Variants in CERS3 observed in about 807,000 individuals in gnomAD.
CERS3 encodes LAG1 homolog, ceramide synthase 3.
Under a neutral mutation model 50.3 loss-of-function variants are expected in CERS3, and 33 were observed. The observed-to-expected ratio is 0.66, with a 90% CI of 0.50 to 0.88. The LOEUF (loss-of-function observed/expected upper bound fraction) is 0.88, where lower values mean the gene tolerates loss of function less well. Ranked by LOEUF, CERS3 falls within the 40% of genes least tolerant of loss-of-function variation. The probability of loss-of-function intolerance (pLI) is 0.00; values close to 1 mark genes in which losing one functional copy is unlikely to be tolerated. For synonymous variants in CERS3, 176 were observed against 155.2 expected (o/e 1.13, Z -0.99); for missense variants, 470 against 460.3 (o/e 1.02, Z -0.19).
At chr15:100,427,726 T>C (rs934648366) in intron 11 of CERS3, among the ~76,000 whole-genome samples, 56 of 152,208 alleles carry the variant, frequency 3.7e-4, no homozygotes, top group African/African-American at 1.2e-3. Flanking sequence ...AATTTTTCAA[T>C]AGGTAGAAAC....
chr15:100,503,672 C>A, intron 2 of CERS3: 1 of 470,586 alleles, frequency 2.1e-6, no homozygotes, highest in Non-Finnish European at 4.4e-6. Flanking sequence ...GACTGGATTT[C>A]AAGCCCCCTC....
intron 3 of CERS3, among the ~76,000 whole-genome samples, chr15:100,491,872 ATTTC>A (rs1357717403): frequency 7.0e-6 from 1 of 143,678 alleles, no homozygotes; most frequent in Admixed American, 7.4e-5. Context: ...TAATTTCTTG[ATTTC>A]TTTCTGTTAT....
intron 10 of CERS3, among the ~76,000 whole-genome samples, chr15:100,466,407 C>A (rs1461788235): frequency 2.0e-5 from 3 of 152,182 alleles, no homozygotes; most frequent in Admixed American, 2.0e-4. Flanking sequence ...TTAAAAACAT[C>A]CGCAAATTCT....
intron 11 of CERS3, among the ~76,000 whole-genome samples, chr15:100,404,132 G>T (rs547188842): frequency 2.0e-5 from 3 of 152,348 alleles, no homozygotes; most frequent in Middle Eastern, 3.4e-3. Context: ...AAGCAGCAAA[G>T]AACAGATGCT....
In CERS3 at chr15:100,423,623, G is replaced by A. The variant is rs565269943; in HGVS notation, c.1000-20758C>T. ...TGAGGGCGGAGGGTAGGGGAAAGGT[G>A]AGGATCAAAAAACTACCTATCAGGT... On this transcript the variant is annotated intron_variant, in intron 11 of 11. Coordinates refer to ENST00000679737, the MANE Select transcript of CERS3 (RefSeq NM_001378789.1). Among the ~76,000 whole-genome samples the A allele has an allele frequency of 1.6e-4, 25 of 152,260 alleles. No individual in the cohort carries two copies. In the South Asian group the frequency reaches 4.8e-3, roughly 29 times the overall value.
intron 11 of CERS3, among the ~76,000 whole-genome samples, chr15:100,438,714 G>T (rs1447718937): frequency 6.6e-6 from 1 of 152,250 alleles, no homozygotes; most frequent in East Asian, 1.9e-4. Flanking sequence ...GATCCTGCCT[G>T]TTGAGTTGCA....
At chr15:100,424,460 T>C (rs1292240381) in intron 11 of CERS3, among the ~76,000 whole-genome samples, 1 of 152,178 alleles carries the variant, frequency 6.6e-6, no homozygotes, top group African/African-American at 2.4e-5. Context: ...AAAATGCTCA[T>C]AGTGATAGGG....
chr15:100,449,001 C>T (rs2034051323), intron 11 of CERS3, among the ~76,000 whole-genome samples: 1 of 152,194 alleles, frequency 6.6e-6, no homozygotes, highest in South Asian at 2.1e-4. Flanking sequence ...TAACCCCACT[C>T]TTCCCAGTAG....
At chr15:100,487,688 G>T (rs2035529022) in intron 4 of CERS3, among the ~76,000 whole-genome samples, 2 of 152,314 alleles carry the variant, frequency 1.3e-5, no homozygotes, top group Non-Finnish European at 1.5e-5. Context: ...GGACTGAAAA[G>T]GGAACCCTCT....
In CERS3 at chr15:100,400,583, T is replaced by A. The variant is rs2030442488; in HGVS notation, c.*2130A>T. On this transcript the variant is annotated 3_prime_UTR_variant, in exon 12 of 12. Coordinates refer to ENST00000679737, the MANE Select transcript of CERS3 (RefSeq NM_001378789.1). ...AAATGAGTATCTACTTCTTATGAAG[T>A]AGTTTAGTGCTTTCAGCTGTATCAG... 1 of 152,184 alleles carries A rather than the reference T, an allele frequency of 6.6e-6. No homozygotes were observed. The highest frequency in any genetic ancestry group is 6.5e-5 in the Admixed American group (1 of 15,284). The allele number at this position is 152,184 out of a possible 1,614,324, so 9.4% of individuals were successfully genotyped here. A position where few individuals can be genotyped will look rare whatever the true frequency, so the allele number is the denominator to read the frequency against.
At chr15:100,419,828 G>A (rs1363517189) in intron 11 of CERS3, among the ~76,000 whole-genome samples, 8 of 143,918 alleles carry the variant, frequency 5.6e-5, no homozygotes, top group Non-Finnish European at 1.1e-4. Flanking sequence ...GCTCCTGAAT[G>A]ACTACTGGGT....
At chr15:100,475,769 A>T (rs1213836295) in intron 8 of CERS3, 1 of 157,176 alleles carries the variant, frequency 6.4e-6, no homozygotes, top group Non-Finnish European at 1.4e-5. Flanking sequence ...TAGAATTAAT[A>T]CTACTAACAT....
At chr15:100,469,241 C>T (rs2034882975) in intron 10 of CERS3, 137 bp downstream of exon 10, 1 of 634,500 alleles carries the variant, frequency 1.6e-6, no homozygotes, top group Non-Finnish European at 2.8e-6. Flanking sequence ...GGCTCCATCA[C>T]ATTCTTTTCT....
At chr15:100,425,915 G>A (rs998286604) in intron 11 of CERS3, 1 of 152,092 alleles carries the variant, frequency 6.6e-6, no homozygotes, top group African/African-American at 2.4e-5. Flanking sequence ...TCTTGTGACA[G>A]TGAGTGAGTT....
At chr15:100,474,951 T>C (rs551338736) in intron 8 of CERS3, among the ~76,000 whole-genome samples, 1 of 152,310 alleles carries the variant, frequency 6.6e-6, no homozygotes. Context: ...ACATTTAACA[T>C]ATATTTATAT....
chr15:100,413,904 T>G (rs920749054), intron 11 of CERS3, among the ~76,000 whole-genome samples: 1 of 151,938 alleles, frequency 6.6e-6, no homozygotes, highest in Non-Finnish European at 1.5e-5. Context: ...ACTGAAATCA[T>G]AAATAGACCA....
At chr15:100,488,218 C>T (rs1229352799) in intron 4 of CERS3, among the ~76,000 whole-genome samples, 1 of 152,200 alleles carries the variant, frequency 6.6e-6, no homozygotes, top group Non-Finnish European at 1.5e-5. Context: ...TCTGTGCTAA[C>T]CAGCCCACAG....
At chr15:100,534,763 C>G (rs1267866108) in intron 1 of CERS3, among the ~76,000 whole-genome samples, 10 of 151,314 alleles carry the variant, frequency 6.6e-5, no homozygotes. Context: ...TTTCCTTTCA[C>G]AATACTAATA....
Position 100,427,797 on chromosome 15 carries a change from A to G in CERS3, c.1000-24932T>C, listed in dbSNP as rs528169724. Reference sequence around the variant, plus strand: ...AATATGATGGCTTGAGCTAGAAACAAAAAGTTGTGTAGCTCAAACTCAGAT... The same window carrying G: ...AATATGATGGCTTGAGCTAGAAACAGAAAGTTGTGTAGCTCAAACTCAGAT... On this transcript the variant is annotated intron_variant, in intron 11 of 11. Transcript: ENST00000679737. Among the ~76,000 whole-genome samples the G allele has an allele frequency of 3.7e-4, 56 of 152,366 alleles. No homozygotes were observed. The South Asian group carries it at 0.011, about 30-fold the overall frequency.
Sources: allele counts gnomAD v4.1 joint callset (sites outside exome capture counted in the v4.1 genomes callset), GRCh38; gene constraint gnomAD v4.1.1; transcripts MANE v1.5; gene names NCBI Gene and HGNC (gene_info 2026-07-23, HGNC 2026-07-21).